Variants in TTC3 observed in about 807,000 individuals in gnomAD.
TTC3 encodes E3 ubiquitin-protein ligase TTC3.
Under a neutral mutation model 249.6 loss-of-function variants are expected in TTC3, and 180 were observed. The observed-to-expected ratio is 0.72, with a 90% CI of 0.64 to 0.82. The LOEUF (loss-of-function observed/expected upper bound fraction) is 0.82, where lower values mean the gene tolerates loss of function less well. TTC3 is among the 40% of genes least tolerant of loss of function. The pLI is 0.00. For missense variants in TTC3, 2,061 were observed against 2,398.4 expected, an observed-to-expected ratio of 0.86 and a Z score of 2.94; for synonymous variants, 717 against 805.0, an observed-to-expected ratio of 0.89 and a Z score of 1.85.
chr21:37,121,839 C>T, exon 12 of TTC3: 1 of 1,603,278 alleles, frequency 6.2e-7, no homozygotes, highest in East Asian at 2.2e-5. Flanking sequence ...TATTGTGATG[C>T]TCTTTCTATG....
At chr21:37,082,382 C>T (rs892492227) in intron 1 of TTC3, 13 of 580,870 alleles carry the variant, frequency 2.2e-5, no homozygotes, top group Non-Finnish European at 2.4e-5. Context: ...GCTGTCACCT[C>T]ATGTGTTTGG....
At chr21:37,092,231 G>A (rs2073366381) in intron 7 of TTC3, among the ~76,000 whole-genome samples, 1 of 152,198 alleles carries the variant, frequency 6.6e-6, no homozygotes, top group Non-Finnish European at 1.5e-5. Context: ...TTCAGTAGAT[G>A]ATGACCAATA....
intron 32 of TTC3, among the ~76,000 whole-genome samples, chr21:37,164,571 C>T (rs2081081332): frequency 6.6e-6 from 1 of 152,146 alleles, no homozygotes; most frequent in African/African-American, 2.4e-5. Context: ...CTCCTGGCCT[C>T]AAGTGATCTG....
chr21:37,115,173 G>GTATAATAA (rs1262540207), intron 11 of TTC3, among the ~76,000 whole-genome samples: 2 of 18,168 alleles, frequency 1.1e-4, no homozygotes, highest in African/African-American at 6.1e-4. Context: ...AAAACTTAAA[G>GTATAATAA]TATAATAATA....
chr21:37,122,005 T>C, intron 12 of TTC3, 26 bp downstream of exon 12: 2 of 1,593,914 alleles, frequency 1.3e-6, no homozygotes, highest in Non-Finnish European at 1.7e-6. Flanking sequence ...TTCTTTTGGT[T>C]ACAGTCTTAA....
chr21:37,185,331 A>AAGG (rs1053980808), intron 36 of TTC3, among the ~76,000 whole-genome samples: 6 of 152,234 alleles, frequency 3.9e-5, no homozygotes, highest in African/African-American at 1.2e-4. Flanking sequence ...TAAAGAGTAG[A>AAGG]AGGCTGTTTT....
chr21:37,169,838 ACT>A (rs2081585798), intron 34 of TTC3, among the ~76,000 whole-genome samples: 1 of 150,704 alleles, frequency 6.6e-6, no homozygotes, highest in Non-Finnish European at 1.5e-5. Context: ...ACAGTGCGAG[ACT>A]CTGTCTCAAA....
chr21:37,147,450 A>T, intron 21 of TTC3, 31 bp from the exon 22 acceptor site: 1 of 1,577,348 alleles, frequency 6.3e-7, no homozygotes, highest in Non-Finnish European at 8.6e-7. Flanking sequence ...TTAGTATTGT[A>T]ATGGTATCAT....
At chr21:37,169,536 T>A (rs2148094211) in intron 34 of TTC3, among the ~76,000 whole-genome samples, 1 of 151,434 alleles carries the variant, frequency 6.6e-6, no homozygotes, top group South Asian at 2.1e-4. Context: ...AGAGTGAGAC[T>A]CCATCTCAGT....
intron 34 of TTC3, 103 bp downstream of exon 34, chr21:37,167,723 A>G: frequency 1.3e-6 from 1 of 797,598 alleles, no homozygotes; most frequent in Non-Finnish European, 1.9e-6. Context: ...TATTCCACAC[A>G]AAGTTATCAT....
chr21:37,122,943 A>G, intron 12 of TTC3, 40 bp from the exon 13 acceptor site: 2 of 1,598,646 alleles, frequency 1.3e-6, no homozygotes, highest in Non-Finnish European at 1.7e-6. Context: ...TTGCCAATCC[A>G]TTGATTACTA....
At chr21:37,087,914 G>T (rs771182346) in intron 3 of TTC3, 39 bp downstream of exon 3, 1 of 1,480,796 alleles carries the variant, frequency 6.8e-7, no homozygotes, top group Middle Eastern at 1.7e-4. Flanking sequence ...TTTATGGAAA[G>T]ACTACAAAGG....
chr21:37,165,481 G>A, intron 32 of TTC3, 69 bp from the exon 33 acceptor site: 1 of 1,237,190 alleles, frequency 8.1e-7, no homozygotes, highest in Non-Finnish European at 1.1e-6. Context: ...GAGAATAAAA[G>A]TTTTTTTCAA....
At chr21:37,148,778 G>A (rs987842871) in intron 23 of TTC3, 131 bp downstream of exon 23, 6 of 616,286 alleles carry the variant, frequency 9.7e-6, no homozygotes, top group Non-Finnish European at 1.3e-5. Context: ...TAATAAAGTG[G>A]AAAATCAAAT....
At chr21:37,092,527 T>C (rs576231223) in intron 7 of TTC3, among the ~76,000 whole-genome samples, 32 of 152,358 alleles carry the variant, frequency 2.1e-4, no homozygotes, top group Non-Finnish European at 3.5e-4. Context: ...GCTGTTACTA[T>C]CTTTGTTTTA....
intron 39 of TTC3, among the ~76,000 whole-genome samples, chr21:37,189,333 C>T (rs8126542): frequency 0.013 from 1,925 of 152,180 alleles, 42 homozygotes; most frequent in African/African-American, 0.043. Flanking sequence ...GCAACCTCTG[C>T]CTCCTGGGTT....
chr21:37,089,850 T>C (rs1454504447), intron 5 of TTC3, among the ~76,000 whole-genome samples: 1 of 152,082 alleles, frequency 6.6e-6, no homozygotes, highest in Non-Finnish European at 1.5e-5. Context: ...CGGGTGGTAG[T>C]GGCACGTGCC....
chr21:37,149,483 G>A (rs2079264397), intron 23 of TTC3, among the ~76,000 whole-genome samples: 1 of 152,142 alleles, frequency 6.6e-6, no homozygotes, highest in African/African-American at 2.4e-5. Flanking sequence ...CCTAAATTGA[G>A]TTTCTCTAGT....
At chr21:37,189,801 C>T (rs908559410) in intron 39 of TTC3, among the ~76,000 whole-genome samples, 3 of 151,936 alleles carry the variant, frequency 2.0e-5, no homozygotes, top group Non-Finnish European at 4.4e-5. Flanking sequence ...CCACCTTGGC[C>T]TCCCAAAGTG....
Sources: allele counts gnomAD v4.1 joint callset (sites outside exome capture counted in the v4.1 genomes callset), GRCh38; gene constraint gnomAD v4.1.1; transcripts MANE v1.5; gene names NCBI Gene and HGNC (gene_info 2026-07-23, HGNC 2026-07-21).